SLC16A12: variants seen among roughly 807,000 people sequenced by gnomAD.
SLC16A12 encodes solute carrier family 16 member 12, also known as monocarboxylate transporter 12.
Under a neutral mutation model 42.4 loss-of-function variants are expected in SLC16A12, and 17 were observed. The ratio of observed to expected loss-of-function variants is 0.40; its 90% confidence interval spans 0.27 to 0.60. The LOEUF (loss-of-function observed/expected upper bound fraction) is 0.60. SLC16A12 is among the 20% of genes least tolerant of loss of function. The pLI, the probability that SLC16A12 is intolerant of heterozygous loss-of-function variation, is 0.42. For missense variants in SLC16A12, 544 were observed against 623.0 expected (o/e 0.87, Z 1.35); for synonymous variants, 224 against 229.4 (o/e 0.98, Z 0.21).
Position 89,492,520 on chromosome 10 carries a change from C to A in SLC16A12, c.-46-29896G>T, listed in dbSNP as rs538756137. Among the ~76,000 whole-genome samples, 221 of 152,118 alleles carry A rather than the reference C, an allele frequency of 1.5e-3. 1 individual carries two copies. The highest frequency in any genetic ancestry group is 2.3e-3 in the Non-Finnish European group (157 of 67,978). ...TGAGGCGGGCGGATCACCTGAGGCA[C>A]CTGAGGTCAGGAGTTCGAGACCAGC... On this transcript the variant is annotated intron_variant, in intron 2 of 7. Transcript: ENST00000371790.
chr10:89,492,808 C>G (rs1433754357), intron 2 of SLC16A12, among the ~76,000 whole-genome samples: 2 of 151,918 alleles, frequency 1.3e-5, no homozygotes, highest in Non-Finnish European at 2.9e-5. Flanking sequence ...TAATAGTCAT[C>G]TCCTGCCTTT....
rs754948892 is a variant in SLC16A12, at chr10:89,441,070, T to A, written c.448+38A>T. 3.1e-6 allele frequency: 5 copies of A among 1,611,626 alleles called. No homozygotes were observed. The Admixed American group carries it at 8.3e-5, about 27-fold the overall frequency. Reference sequence around the variant, plus strand: ...GTTGATGTGCTTGGAAACCCCTGAATGGAGTGGGGTGAGACAGGTGGTACA... The same window carrying A: ...GTTGATGTGCTTGGAAACCCCTGAAAGGAGTGGGGTGAGACAGGTGGTACA... On this transcript the variant is annotated intron_variant, in intron 5 of 7. Transcript: ENST00000371790.
intron 6 of SLC16A12, among the ~76,000 whole-genome samples, chr10:89,436,993 G>T (rs1327450979): frequency 6.6e-6 from 1 of 152,150 alleles, no homozygotes; most frequent in East Asian, 1.9e-4. Context: ...AGCCATCCCA[G>T]GCCACAGGCA....
rs1431228502 is a variant in SLC16A12 at position 89,443,776 on chromosome 10, T to A, written c.284A>T (p.Asp95Val). 4 of 1,613,370 alleles carry A rather than the reference T, an allele frequency of 2.5e-6. No homozygotes were observed. Among genetic ancestry groups the A allele is most frequent in the Non-Finnish European group, 2.5e-6 (3 of 1,179,334 alleles). Residue 95 changes from aspartate to valine, a missense_variant, in exon 4 of 8, where the codon GAT (aspartate) becomes GTT (valine). Coordinates refer to ENST00000371790, the MANE Select transcript of SLC16A12 (RefSeq NM_213606.4). ...CTCACCACAGAGCATGGTCACACAA[T>A]CTACAATGGAATGGATCCATGCCGT... ...AQTAWIHSIV[D>V]CVTMLCAPLG...
intron 2 of SLC16A12, among the ~76,000 whole-genome samples, chr10:89,514,762 A>C (rs1394288033): frequency 6.6e-6 from 1 of 152,188 alleles, no homozygotes; most frequent in Non-Finnish European, 1.5e-5. Flanking sequence ...ATCAATCCAC[A>C]ATAGTGCCCA....
At chr10:89,525,604 A>T (rs996338858) in intron 2 of SLC16A12, among the ~76,000 whole-genome samples, 4 of 152,202 alleles carry the variant, frequency 2.6e-5, no homozygotes, top group African/African-American at 9.7e-5. Flanking sequence ...CAAGTATCTT[A>T]TTTATGAGTA....
At chr10:89,555,081 A>G (rs1462054803) in intron 2 of SLC16A12, among the ~76,000 whole-genome samples, 2 of 152,132 alleles carry the variant, frequency 1.3e-5, no homozygotes, top group African/African-American at 4.8e-5. Context: ...TCCAGTAAAT[A>G]TTTGTAGAAT....
At chr10:89,438,531 G>A (rs1841842572) in intron 6 of SLC16A12, 73 bp downstream of exon 6, 1 of 1,327,778 alleles carries the variant, frequency 7.5e-7, no homozygotes, top group African/African-American at 1.5e-5. Flanking sequence ...ACTCCACAGG[G>A]TAAGGGGCTG....
intron 2 of SLC16A12, among the ~76,000 whole-genome samples, chr10:89,484,011 G>A (rs948627354): frequency 3.9e-5 from 6 of 152,152 alleles, no homozygotes; most frequent in Non-Finnish European, 5.9e-5. Flanking sequence ...GAACCCAGGT[G>A]TGGTGGCACA....
chr10:89,507,373 C>T (rs996225793), intron 2 of SLC16A12, among the ~76,000 whole-genome samples: 4 of 152,346 alleles, frequency 2.6e-5, no homozygotes, highest in Middle Eastern at 3.4e-3. Flanking sequence ...AACAGCAGAT[C>T]TCTCAGCAGA....
At chr10:89,443,617 T>C (rs1269748597) in intron 4 of SLC16A12, 139 bp downstream of exon 4, 2 of 702,004 alleles carry the variant, frequency 2.8e-6, no homozygotes, top group African/African-American at 3.6e-5. Context: ...TGATCTTTTC[T>C]TTATATTATA....
intron 2 of SLC16A12, among the ~76,000 whole-genome samples, chr10:89,491,252 G>C (rs1194699230): frequency 6.6e-6 from 1 of 152,094 alleles, no homozygotes; most frequent in Non-Finnish European, 1.5e-5. Context: ...TTTTCTAACA[G>C]TAAAGGTCCA....
At chr10:89,455,734 C>T (rs569497310) in intron 3 of SLC16A12, among the ~76,000 whole-genome samples, 2 of 152,250 alleles carry the variant, frequency 1.3e-5, no homozygotes, top group South Asian at 4.2e-4. Context: ...TACAGTGAAG[C>T]AGGGTCCTGA....
Position 89,451,767 on chromosome 10 carries a change from G to A in SLC16A12, c.201-7908C>T, listed in dbSNP as rs988528859. 2.6e-5 allele frequency among the ~76,000 whole-genome samples: 4 copies of A among 152,194 alleles called. 1 individual carries two copies. The East Asian group carries it at 7.7e-4, about 29-fold the overall frequency. On this transcript the variant is annotated intron_variant, in intron 3 of 7. Coordinates refer to ENST00000371790, the MANE Select transcript of SLC16A12 (RefSeq NM_213606.4). ...CAATGGAGACTTCATGTGAGTGGCG[G>A]AGATACGTGCAATATGTGTTTCTGC...
intron 2 of SLC16A12, among the ~76,000 whole-genome samples, chr10:89,518,029 C>G (rs943503455): frequency 7.2e-5 from 11 of 152,152 alleles, no homozygotes; most frequent in African/African-American, 2.7e-4. Context: ...GTGACTTGCT[C>G]AAAGTCACTC....
chr10:89,527,622 CTCCATT>C (rs1368640113), intron 2 of SLC16A12, among the ~76,000 whole-genome samples: 2 of 149,446 alleles, frequency 1.3e-5, no homozygotes, highest in African/African-American at 5.0e-5. Flanking sequence ...CATAGTAAGA[CTCCATT>C]TCCATTTCTA....
At chr10:89,470,296 T>C (rs551874009) in intron 2 of SLC16A12, among the ~76,000 whole-genome samples, 1 of 152,330 alleles carries the variant, frequency 6.6e-6, no homozygotes, top group East Asian at 1.9e-4. Context: ...TTAGGGACTA[T>C]GTTTCCCACT....
At chr10:89,480,784 A>T (rs1176538875) in intron 2 of SLC16A12, among the ~76,000 whole-genome samples, 1 of 152,194 alleles carries the variant, frequency 6.6e-6, no homozygotes, top group Non-Finnish European at 1.5e-5. Flanking sequence ...CAGACAACAC[A>T]AAAGAGTTAA....
intron 2 of SLC16A12, among the ~76,000 whole-genome samples, chr10:89,483,402 C>T (rs1322505030): frequency 3.9e-5 from 6 of 152,200 alleles, no homozygotes; most frequent in South Asian, 2.1e-4. Context: ...ACCCCAGAGT[C>T]GCCAGGGCCA....
Sources: gnomAD v4.1 joint callset for allele counts (sites outside exome capture counted in the v4.1 genomes callset) on GRCh38, gnomAD v4.1.1 for gene constraint, MANE v1.5 for transcripts, NCBI Gene and HGNC (gene_info 2026-07-23, HGNC 2026-07-21) for gene names.